Variants in NSD1 observed in about 807,000 individuals in gnomAD.
NSD1 encodes histone-lysine N-methyltransferase, H3 lysine-36 specific.
A neutral mutation model predicts 242.7 loss-of-function variants in NSD1; 26 were observed. That is an observed-to-expected ratio of 0.11 (90% CI 0.08 to 0.15). The LOEUF (loss-of-function observed/expected upper bound fraction) is 0.15. Among genes scored for constraint, NSD1 ranks in the 10% least tolerant of loss-of-function variants. The pLI, the probability that NSD1 is intolerant of heterozygous loss-of-function variation, is 1.00. For missense variants in NSD1, 2,495 were observed against 3,272.8 expected (o/e 0.76, Z 5.80); for synonymous variants, 1,106 against 1,178.1 (o/e 0.94, Z 1.25).
At chr5:177,293,752 T>C (rs1760043090) in intron 22 of NSD1, 80 bp from the exon 23 acceptor site, 3 of 1,514,602 alleles carry the variant, frequency 2.0e-6, no homozygotes, top group Middle Eastern at 2.3e-4. Context: ...CATCCACACC[T>C]TCGGACTGTA....
intron 19 of NSD1, among the ~76,000 whole-genome samples, chr5:177,283,029 C>G (rs1487791267): frequency 6.6e-6 from 1 of 152,162 alleles, no homozygotes; most frequent in Non-Finnish European, 1.5e-5. Context: ...TCTCGGCTTG[C>G]TGCAACCTCT....
At chr5:177,285,583 A>AAG (rs1448812812) in intron 20 of NSD1, among the ~76,000 whole-genome samples, 1 of 150,100 alleles carries the variant, frequency 6.7e-6, no homozygotes, top group Non-Finnish European at 1.5e-5. Context: ...AAAAAAAAAA[A>AAG]AAAATTTGTA....
chr5:177,243,003 T>C lies in NSD1; in HGVS notation c.4303-1192T>C, dbSNP rs188053530. On this transcript the variant is annotated intron_variant, in intron 8 of 22. Transcript: ENST00000439151. ...AATGTGTGGCTCTTGATTAGACTCC[T>C]GATGTTGAGTATTTGTTTTGAGTTT... Among the ~76,000 whole-genome samples, 23 of 152,316 alleles carry C rather than the reference T, an allele frequency of 1.5e-4. No individual in the cohort carries two copies. In the East Asian group the frequency reaches 4.0e-3, roughly 27 times the overall value.
At chr5:177,170,977 A>T (rs1465763642) in intron 2 of NSD1, among the ~76,000 whole-genome samples, 2 of 151,312 alleles carry the variant, frequency 1.3e-5, no homozygotes, top group Non-Finnish European at 1.5e-5. Flanking sequence ...CATTTTTGTC[A>T]CTTCAAAATG....
At chr5:177,183,747 G>A (rs1760883005) in intron 2 of NSD1, among the ~76,000 whole-genome samples, 2 of 151,930 alleles carry the variant, frequency 1.3e-5, no homozygotes, top group Admixed American at 6.6e-5. Context: ...TGAATCATCT[G>A]TTCTTTTGTT....
intron 2 of NSD1, among the ~76,000 whole-genome samples, chr5:177,179,608 G>C (rs1760491115): frequency 6.6e-6 from 1 of 152,224 alleles, no homozygotes; most frequent in East Asian, 1.9e-4. Flanking sequence ...CTTTGACTTG[G>C]AATGTGGAGC....
At chr5:177,217,492 A>C (rs956353295) in intron 5 of NSD1, among the ~76,000 whole-genome samples, 4 of 152,090 alleles carry the variant, frequency 2.6e-5, no homozygotes, top group Admixed American at 1.3e-4. Flanking sequence ...ACTTCAAATA[A>C]TGTGTTGAAT....
Position 177,211,523 on chromosome 5 carries a change from A to G in NSD1, c.3124A>G (p.Thr1042Ala), listed in dbSNP as rs1405610620. 1.2e-6 allele frequency: 2 copies of G among 1,614,130 alleles called. No individual in the cohort carries two copies. Among genetic ancestry groups the G allele is most frequent in the Non-Finnish European group, 1.7e-6 (2 of 1,180,026 alleles). The change falls in exon 5 of 23, where the codon ACA becomes GCA. Residue 1042 changes from threonine to alanine, a missense_variant. By Grantham distance (58) the Thr-to-Ala change is moderately conservative. This residue lies in a region of NSD1 where 426 missense variants were observed against 411.4 expected (regional missense o/e 1.04). Coordinates refer to ENST00000439151, the MANE Select transcript of NSD1 (RefSeq NM_022455.5). ...TTTTTCAGCCCAAATGGTAAAGAAC[A>G]CAGTGAACCGTAAAGCCTTAAAGAC... Reference protein sequence around the residue: ...DAFSAQMVKNTVNRKALKTER... With the variant: ...DAFSAQMVKNAVNRKALKTER...
At chr5:177,194,351 C>T (rs1761929504) in intron 3 of NSD1, among the ~76,000 whole-genome samples, 1 of 151,790 alleles carries the variant, frequency 6.6e-6, no homozygotes, top group African/African-American at 2.4e-5. Flanking sequence ...CCTTGATCTC[C>T]AGGGCTCAAA....
rs1760239408 is a variant in NSD1 at position 177,296,119 on chromosome 5, G to A, written c.*660G>A. Reference sequence around the variant, plus strand: ...TGTCTCTTGGCTGCGGTGTGCATGGGTGCGTGTGCATGCGCGCACACTCAC... The same window carrying A: ...TGTCTCTTGGCTGCGGTGTGCATGGATGCGTGTGCATGCGCGCACACTCAC... On this transcript the variant is annotated 3_prime_UTR_variant, in exon 23 of 23. Transcript: ENST00000439151. The A allele has an allele frequency of 8.0e-6, 2 of 248,604 alleles. No homozygotes were observed. The highest frequency in any genetic ancestry group is 1.6e-5 in the Non-Finnish European group (2 of 126,186). 15.4% of individuals were successfully genotyped at this position (248,604 alleles called of 1,614,324 possible).
At chr5:177,274,336 T>C (rs1758181328) in intron 17 of NSD1, among the ~76,000 whole-genome samples, 1 of 152,188 alleles carries the variant, frequency 6.6e-6, no homozygotes, top group African/African-American at 2.4e-5. Flanking sequence ...TTTTATGTCA[T>C]TTATATGAAT....
Position 177,269,928 on chromosome 5 carries a change from C to G in NSD1, c.5509+121C>G, listed in dbSNP as rs975694084. The G allele has an allele frequency of 1.3e-6, 1 of 798,670 alleles. No individual in the cohort carries two copies. Among genetic ancestry groups the G allele is most frequent in the South Asian group, 1.8e-5 (1 of 54,078 alleles). 49.5% of individuals were successfully genotyped at this position (798,670 alleles called of 1,614,324 possible). ...TGCCTTTGTCCTCTCAGGGCATTATCTGGCTGCAAATACAGTATTTTGCAA... is the reference window on the plus strand; with the variant it reads ...TGCCTTTGTCCTCTCAGGGCATTATGTGGCTGCAAATACAGTATTTTGCAA... On this transcript the variant is annotated intron_variant, in intron 16 of 22. Coordinates refer to ENST00000439151, the MANE Select transcript of NSD1 (RefSeq NM_022455.5). This position sits in a 1 kb window ranked among gnomAD's most constrained non-coding sequence, Gnocchi z 5.1.
chr5:177,205,996 T>TTTA (rs1431286724), intron 4 of NSD1, among the ~76,000 whole-genome samples: 25 of 152,014 alleles, frequency 1.6e-4, no homozygotes, highest in Admixed American at 7.9e-4. Context: ...CTAATTTTTA[T>TTTA]TTATTATTAT....
At chr5:177,267,006 AG>A (rs1262258023) in intron 14 of NSD1, among the ~76,000 whole-genome samples, 10 of 152,176 alleles carry the variant, frequency 6.6e-5, no homozygotes, top group Admixed American at 6.5e-4. Flanking sequence ...CTGGGAATAC[AG>A]GCATGTGCCA....
At chr5:177,166,234 ATT>A in intron 2 of NSD1, among the ~76,000 whole-genome samples, 1 of 151,690 alleles carries the variant, frequency 6.6e-6, no homozygotes, top group Non-Finnish European at 1.5e-5. Flanking sequence ...ATTCTTGATA[ATT>A]TTCTTTGCTT....
At position 177,250,841 on chromosome 5, in the gene NSD1, C is replaced by T. The variant is rs562833452; in HGVS notation, c.4642-889C>T. Among the ~76,000 whole-genome samples the T allele has an allele frequency of 5.9e-5, 9 of 152,266 alleles. No homozygotes were observed. The South Asian group carries it at 1.9e-3, about 32-fold the overall frequency. On this transcript the variant is annotated intron_variant, in intron 11 of 22. Transcript: ENST00000439151. Reference sequence around the variant, plus strand: ...ATTCTGTTTCTATGAGTTCTTGAAGCTAAAACTTACTTAGTCACCTTTCCC... The same window carrying T: ...ATTCTGTTTCTATGAGTTCTTGAAGTTAAAACTTACTTAGTCACCTTTCCC...
At chr5:177,141,158 A>G (rs969496683) in intron 2 of NSD1, among the ~76,000 whole-genome samples, 2 of 151,502 alleles carry the variant, frequency 1.3e-5, no homozygotes, top group African/African-American at 4.9e-5. Context: ...AGTAGCTGGG[A>G]TTACAGGCGC....
At chr5:177,158,293 C>CTTTCTT (rs57903249) in intron 2 of NSD1, among the ~76,000 whole-genome samples, 2 of 77,674 alleles carry the variant, frequency 2.6e-5, no homozygotes, top group African/African-American at 9.3e-5. Flanking sequence ...TTCTTTCTTT[C>CTTTCTT]TTTCTTTCTT....
chr5:177,204,789 T>TG (rs1185351297), intron 4 of NSD1, among the ~76,000 whole-genome samples: 1 of 152,102 alleles, frequency 6.6e-6, no homozygotes, highest in East Asian at 1.9e-4. Flanking sequence ...TTTTTTTGTT[T>TG]GTTTGTTTGT....
Sources: gnomAD v4.1 joint callset for allele counts (sites outside exome capture counted in the v4.1 genomes callset) on GRCh38, gnomAD v4.1.1 for gene constraint, gnomAD v4.1.1 regional missense constraint, Gnocchi (gnomAD v3.1) non-coding constraint, MANE v1.5 for transcripts, NCBI Gene and HGNC (gene_info 2026-07-23, HGNC 2026-07-21) for gene names.